Variants in NKD2 observed in about 807,000 individuals in gnomAD.
NKD2 encodes NKD inhibitor of Wnt signaling pathway 2.
Under a neutral mutation model 34.8 loss-of-function variants are expected in NKD2, and 43 were observed. The ratio of observed to expected loss-of-function variants is 1.24; its 90% CI spans 0.97 to 1.60. NKD2 has a LOEUF of 1.60. NKD2 is among the 40% of genes most tolerant of loss of function. NKD2 has a pLI of 0.00. For missense variants in NKD2, 675 were observed against 627.1 expected, an observed-to-expected ratio of 1.08 and a Z score of -0.82; for synonymous variants, 278 against 265.1, an observed-to-expected ratio of 1.05 and a Z score of -0.47.
chr5:1,012,897 G>A (rs1755808320), intron 3 of NKD2, among the ~76,000 whole-genome samples: 1 of 152,244 alleles, frequency 6.6e-6, no homozygotes, highest in Non-Finnish European at 1.5e-5. Flanking sequence ...GCAGTTTCTT[G>A]TAGAAGATCC....
intron 5 of NKD2, 66 bp from the exon 6 acceptor site, chr5:1,034,169 C>T (rs1222804817): frequency 5.2e-6 from 6 of 1,159,078 alleles, no homozygotes; most frequent in East Asian, 2.4e-5. Context: ...AGATCCTTCC[C>T]CCTGTGGAGT....
chr5:1,012,419 A>G (rs906543191), intron 3 of NKD2, among the ~76,000 whole-genome samples: 2 of 152,230 alleles, frequency 1.3e-5, no homozygotes, highest in Non-Finnish European at 2.9e-5. Flanking sequence ...TGGCCCGTCT[A>G]GGGCAGGTCC....
At position 1,038,135 on chromosome 5, in the gene NKD2, C is replaced by T. The variant is rs770286639; in HGVS notation, c.1118C>T (p.Pro373Leu). 5.5e-5 allele frequency: 87 copies of T among 1,588,952 alleles called. No homozygotes were observed. The highest frequency in any genetic ancestry group is 2.5e-4 in the African/African-American group (19 of 74,512). Residue 373 changes from proline to leucine, a missense_variant, in exon 10 of 10, where the codon CCG (proline) becomes CTG (leucine). Pro to Leu is a moderately conservative substitution (Grantham distance 98). Coordinates refer to ENST00000296849, the MANE Select transcript of NKD2 (RefSeq NM_033120.4). The surrounding 1 kb of genome is among the most constrained non-coding windows in gnomAD (Gnocchi z 4.5). ...GCCCCTCAGGACGGCCACCACCTCC[C>T]GCAGCCCCCACCGCCACCCTACGGC... The part of the protein sequence containing the change: ...PQAPQDGHHL[P>L]QPPPPPYGHK...
At chr5:1,029,151 T>C (rs1756541232) in intron 3 of NKD2, among the ~76,000 whole-genome samples, 1 of 152,250 alleles carries the variant, frequency 6.6e-6, no homozygotes, top group Non-Finnish European at 1.5e-5. Context: ...TGACTGTAGA[T>C]GCTCATTTTT....
rs764555138 is a variant in NKD2 at position 1,033,382 on chromosome 5, C to T, written c.213C>T (p.Pro71=). The part of the protein sequence containing the change: ...EDQCPLQVAL[P]AEKAEGREHP... ...CTCTTGTCCCCCTAGTGGCACTCCCCGCTGAGAAAGCTGAGGGCCGCGAGC... is the reference window on the plus strand; with the variant it reads ...CTCTTGTCCCCCTAGTGGCACTCCCTGCTGAGAAAGCTGAGGGCCGCGAGC... Residue 71 remains proline (P), a synonymous_variant, in exon 5 of 10, where the codon CCC becomes CCT. Coordinates refer to ENST00000296849, the MANE Select transcript of NKD2 (RefSeq NM_033120.4). The T allele has an allele frequency of 2.0e-5, 32 of 1,599,112 alleles. No homozygotes were observed. The highest frequency in any genetic ancestry group is 3.3e-4 in the Middle Eastern group (2 of 6,060).
rs1021817813 is a variant in NKD2, at chr5:1,034,970, C to T, written c.574+67C>T. 149 of 1,445,114 alleles carry T rather than the reference C, an allele frequency of 1.0e-4. No individual in the cohort carries two copies. In the East Asian group the frequency reaches 1.1e-3, roughly 11 times the overall value. 89.5% of individuals were successfully genotyped at this position (1,445,114 alleles called of 1,614,324 possible). On this transcript the variant is annotated intron_variant, in intron 7 of 9. Transcript: ENST00000296849. ...TTGGCAGGGGCCTAAGCTGTGTGCGCGGGACAGGGAGGGACAAGTGAGTGG... is the reference window on the plus strand; with the variant it reads ...TTGGCAGGGGCCTAAGCTGTGTGCGTGGGACAGGGAGGGACAAGTGAGTGG...
At chr5:1,036,200 C>G (rs1733909486) in intron 8 of NKD2, 57 bp from the exon 9 acceptor site, 3 of 1,465,704 alleles carry the variant, frequency 2.0e-6, no homozygotes, top group Non-Finnish European at 2.7e-6. Flanking sequence ...ACCCCGTCAT[C>G]AGGGGTGCGC....
chr5:1,035,497 G>A (rs1357980626), intron 8 of NKD2, 24 bp downstream of exon 8: 9 of 1,540,754 alleles, frequency 5.8e-6, no homozygotes, highest in Middle Eastern at 3.7e-4. Context: ...TGCCAGGGTG[G>A]GGCTGTGCCT....
chr5:1,022,682 G>A lies in NKD2; in HGVS notation c.142-9470G>A, dbSNP rs796477094. Among the ~76,000 whole-genome samples the A allele has an allele frequency of 4.1e-3, 23 of 5,646 alleles. 1 individual carries two copies. The highest frequency in any genetic ancestry group is 7.7e-3 in the East Asian group (1 of 130). 3.7% of individuals were successfully genotyped at this position (5,646 alleles called of 152,430 possible). A position where few individuals can be genotyped will look rare whatever the true frequency, so the allele number is the denominator to read the frequency against. ...CCACCCGCTGTGGGCGTCTCAGCCC[G>A]TTGTCCCTGCTCTTCCCACCCGCTA... On this transcript the variant is annotated intron_variant, in intron 3 of 9. Transcript: ENST00000296849.
rs1755685188 is a variant in NKD2, at chr5:1,009,938, G to C, written c.141+378G>C. 6.6e-6 allele frequency among the ~76,000 whole-genome samples: 1 copy of C among 152,160 alleles called. No individual in the cohort carries two copies. Among genetic ancestry groups the C allele is most frequent in the Non-Finnish European group, 1.5e-5 (1 of 68,030 alleles). Reference sequence around the variant, plus strand: ...TGCAGTACCCCGGCTGGATGAGCTGGAGGAGTTGGAGGAGGGGTGGGAGCT... The same window carrying C: ...TGCAGTACCCCGGCTGGATGAGCTGCAGGAGTTGGAGGAGGGGTGGGAGCT... On this transcript the variant is annotated intron_variant, in intron 3 of 9. Coordinates refer to ENST00000296849, the MANE Select transcript of NKD2 (RefSeq NM_033120.4). The surrounding 1 kb of genome is among the most constrained non-coding windows in gnomAD (Gnocchi z 6.9).
At chr5:1,030,371 G>A (rs950152795) in intron 3 of NKD2, among the ~76,000 whole-genome samples, 4 of 152,062 alleles carry the variant, frequency 2.6e-5, no homozygotes, top group East Asian at 1.9e-4. Context: ...CATTTCTGTC[G>A]GCAGCCACCT....
At chr5:1,024,649 G>T (rs1756325973) in intron 3 of NKD2, among the ~76,000 whole-genome samples, 1 of 79,516 alleles carries the variant, frequency 1.3e-5, no homozygotes, top group Non-Finnish European at 2.5e-5. Context: ...GGGCGTCCCA[G>T]CCCTTTGTCC....
chr5:1,032,119 A>G lies in NKD2; in HGVS notation c.142-33A>G, dbSNP rs765536073. On this transcript the variant is annotated intron_variant, in intron 3 of 9. Transcript: ENST00000296849. ...ATCTCCCCCGCCTGCCCACTGAGCT[A>G]TGTGGCCACTGACTGCCCCGTTCTT... 7 of 1,584,332 alleles carry G rather than the reference A, an allele frequency of 4.4e-6. No individual in the cohort carries two copies. In the Admixed American group the frequency reaches 6.7e-5, roughly 15 times the overall value.
rs989745037 is a variant in NKD2, at chr5:1,015,764, G to A, written c.141+6204G>A. Reference sequence around the variant, plus strand: ...ATCGGCCTGTCCATGTGTGGAACCCGAGGGGGCCTGTGCTGCGTCCTGGGG... The same window carrying A: ...ATCGGCCTGTCCATGTGTGGAACCCAAGGGGGCCTGTGCTGCGTCCTGGGG... On this transcript the variant is annotated intron_variant, in intron 3 of 9. Coordinates refer to ENST00000296849, the MANE Select transcript of NKD2 (RefSeq NM_033120.4). Among the ~76,000 whole-genome samples, 4 of 152,208 alleles carry A rather than the reference G, an allele frequency of 2.6e-5. No homozygotes were observed. In the East Asian group the frequency reaches 5.8e-4, roughly 22 times the overall value.
At chr5:1,029,807 C>T (rs1306707543) in intron 3 of NKD2, among the ~76,000 whole-genome samples, 2 of 152,218 alleles carry the variant, frequency 1.3e-5, no homozygotes, top group African/African-American at 2.4e-5. Context: ...TGCTGCTGCC[C>T]CTCATCTGGG....
rs767816336 is a variant in NKD2 at position 1,038,062 on chromosome 5, T to C, written c.1045T>C (p.Ser349Pro). The C allele has an allele frequency of 9.9e-6, 16 of 1,609,436 alleles. No homozygotes were observed. Among genetic ancestry groups the C allele is most frequent in the Admixed American group, 3.3e-5 (2 of 59,854 alleles). The change falls in exon 10 of 10, where the codon TCC becomes CCC. Residue 349 changes from serine (S) to proline (P), a missense_variant. Ser to Pro is a moderately conservative substitution (Grantham distance 74, BLOSUM62 -1). Coordinates refer to ENST00000296849, the MANE Select transcript of NKD2 (RefSeq NM_033120.4). The surrounding 1 kb of genome is among the most constrained non-coding windows in gnomAD (Gnocchi z 4.5). ...KPPGVPASSKSGKAFSYYLPA... is the reference protein window; with the variant it reads ...KPPGVPASSKPGKAFSYYLPA... ...GCCTGGGGTGCCAGCCAGCAGCAAG[T>C]CCGGGAAAGCCTTCAGCTACTACCT...
chr5:1,037,496 T>G (rs1734044373), intron 9 of NKD2: 1 of 1,532,294 alleles, frequency 6.5e-7, no homozygotes, highest in Non-Finnish European at 8.7e-7. Context: ...ATAACCTGGC[T>G]TTCTGCCACG....
chr5:1,036,168 AC>A, intron 8 of NKD2, 88 bp from the exon 9 acceptor site: 1 of 1,418,360 alleles, frequency 7.1e-7, no homozygotes, highest in Non-Finnish European at 9.2e-7. Flanking sequence ...TGCACCCCGG[AC>A]CCCTGCCGCC....
intron 6 of NKD2, 124 bp from the exon 7 acceptor site, chr5:1,034,632 T>G: frequency 9.5e-7 from 1 of 1,047,244 alleles, no homozygotes; most frequent in Non-Finnish European, 1.4e-6. Flanking sequence ...TTGGTTCCTG[T>G]GGTCTGTTGG....
Sources: gnomAD v4.1 joint callset for allele counts (sites outside exome capture counted in the v4.1 genomes callset) on GRCh38, gnomAD v4.1.1 for gene constraint, Gnocchi (gnomAD v3.1) non-coding constraint, MANE v1.5 for transcripts, NCBI Gene and HGNC (gene_info 2026-07-23, HGNC 2026-07-21) for gene names.